CHRNE: variants seen among roughly 807,000 people sequenced by gnomAD.
CHRNE encodes the protein acetylcholine receptor subunit epsilon.
Under a neutral mutation model 56.5 loss-of-function variants are expected in CHRNE, and 58 were observed. That is an observed-to-expected ratio of 1.03 (90% confidence interval 0.83 to 1.28). The LOEUF (loss-of-function observed/expected upper bound fraction) is 1.28, where lower values mean the gene tolerates loss of function less well. CHRNE is among the 50% of genes most tolerant of loss of function. The probability of loss-of-function intolerance (pLI) is 0.00; values close to 1 mark genes in which losing one functional copy is unlikely to be tolerated. For synonymous variants in CHRNE, 385 were observed against 297.9 expected (o/e 1.29, Z -3.01); for missense variants, 793 against 688.9 (o/e 1.15, Z -1.69).
At chr17:4,903,207 C>T, upstream of CHRNE, 3 of 842,574 alleles carry the variant, frequency 3.6e-6, no homozygotes, top group Non-Finnish European at 5.8e-6. Flanking sequence ...CCTGCTGCAG[C>T]TGGGGACATT....
chr17:4,901,380 G>A, intron 6 of CHRNE, 145 bp downstream of exon 6: 2 of 953,938 alleles, frequency 2.1e-6, no homozygotes, highest in South Asian at 1.3e-5. Context: ...AGTAACAATC[G>A]AGAATGATTT....
chr17:4,905,992 G>A (rs1049799076), upstream of CHRNE, among the ~76,000 whole-genome samples: 2 of 152,188 alleles, frequency 1.3e-5, no homozygotes, highest in East Asian at 1.9e-4. Context: ...CGCTCTGTCC[G>A]CTCTCTGCTC....
chr17:4,898,466 TG>T lies in CHRNE; in HGVS notation c.*269del. The T allele has an allele frequency of 1.9e-6, 1 of 534,870 alleles. No homozygotes were observed. The highest frequency in any genetic ancestry group is 3.4e-6 in the Non-Finnish European group (1 of 295,732). 33.1% of individuals were successfully genotyped at this position (534,870 alleles called of 1,614,324 possible). ...CCGTGGGGCTGAGCCTTAGAAAGGC[TG>T]GGAGGTCAGCAAGGCTGAATGAAGG... is the stretch of plus-strand genomic sequence containing the variant. On this transcript the variant is annotated 3_prime_UTR_variant, in exon 12 of 12. Transcript: ENST00000649488.
chr17:4,905,587 C>T (rs917200187), upstream of CHRNE, among the ~76,000 whole-genome samples: 7 of 151,886 alleles, frequency 4.6e-5, no homozygotes, highest in Admixed American at 3.9e-4. Flanking sequence ...CGGCTGGATG[C>T]GGTGGCTCAA....
Position 4,901,624 on chromosome 17 carries a change from A to G in CHRNE, c.502T>C (p.Ser168Pro). ...DWQNCSLIFR[S>P]QTYNAEEVEF... is the part of the protein sequence containing the mutation. ...ACCTCTTCGGCATTGTACGTCTGAG[A>G]GCTGCGGAGCCAGGGCCGGGAGCCC... is the stretch of plus-strand genomic sequence containing the variant. Residue 168 changes from serine to proline, a missense_variant and splice_region_variant, in exon 6 of 12, where the codon TCT (serine) becomes CCT (proline). Transcript: ENST00000649488. 1 of 1,613,876 alleles carries G rather than the reference A, an allele frequency of 6.2e-7. No homozygotes were observed. The highest frequency in any genetic ancestry group is 8.5e-7 in the Non-Finnish European group (1 of 1,179,902).
chr17:4,906,631 T>A (rs1160447416), upstream of CHRNE, among the ~76,000 whole-genome samples: 1 of 152,190 alleles, frequency 6.6e-6, no homozygotes, highest in East Asian at 1.9e-4. Flanking sequence ...GGTAGGAGAA[T>A]TGCTTGAGCC....
upstream of CHRNE, among the ~76,000 whole-genome samples, chr17:4,903,707 G>T (rs1022008920): frequency 6.6e-6 from 1 of 152,080 alleles, no homozygotes; most frequent in South Asian, 2.1e-4. Flanking sequence ...AGCCCCTCTG[G>T]GTGGGAGACT....
At position 4,898,649 on chromosome 17, in the gene CHRNE, G is replaced by C; in HGVS notation, c.*87C>G. ...ACTGCAGATTGATCAGCAGGGGGAA[G>C]GGATCATAATGCCGTGGTGGCGGCA... On this transcript the variant is annotated 3_prime_UTR_variant, in exon 12 of 12. Transcript: ENST00000649488. 4 of 1,495,114 alleles carry C rather than the reference G, an allele frequency of 2.7e-6. No homozygotes were observed. The highest frequency in any genetic ancestry group is 3.6e-6 in the Non-Finnish European group (4 of 1,101,784). The allele number at this position is 1,495,114 out of a possible 1,614,324, so 92.6% of individuals were successfully genotyped here.
intron 7 of CHRNE, 25 bp from the exon 8 acceptor site, chr17:4,900,932 G>A: frequency 6.2e-7 from 1 of 1,614,056 alleles, no homozygotes; most frequent in Non-Finnish European, 8.5e-7. Flanking sequence ...AGTGAGAGCG[G>A]GCCCCGCCTC....
At chr17:4,908,555 G>A (rs920148298) in intron 1 of CHRNE, among the ~76,000 whole-genome samples, 8 of 152,166 alleles carry the variant, frequency 5.3e-5, no homozygotes, top group African/African-American at 9.7e-5. Flanking sequence ...GGACTGCCTC[G>A]GGGGCTGAGA....
At position 4,899,047 on chromosome 17, in the gene CHRNE, A is replaced by T; in HGVS notation, c.1280T>A (p.Val427Glu). ...TCTCGTGCTCTCGGCCACGAAGTTC[A>T]CGGCATCCACACAGCAGCGGACCTC... ...APEVRCCVDA[V>E]NFVAESTRDQ... Residue 427 changes from valine to glutamate, a missense_variant, in exon 11 of 12, where the codon GTG (valine) becomes GAG (glutamate). Coordinates refer to ENST00000649488, the MANE Select transcript of CHRNE (RefSeq NM_000080.4). 1 of 1,611,658 alleles carries T rather than the reference A, an allele frequency of 6.2e-7. No individual in the cohort carries two copies. The highest frequency in any genetic ancestry group is 1.3e-5 in the African/African-American group (1 of 75,026).
At chr17:4,899,893 G>T (rs1223592639) in intron 8 of CHRNE, 1 of 1,549,230 alleles carries the variant, frequency 6.5e-7, no homozygotes, top group African/African-American at 1.4e-5. Context: ...GTTCGCCCCT[G>T]TGACCCCTGC....
upstream of CHRNE, among the ~76,000 whole-genome samples, chr17:4,908,011 C>T (rs1322657294): frequency 1.3e-5 from 2 of 151,994 alleles, no homozygotes; most frequent in Admixed American, 6.6e-5. Flanking sequence ...CCCGTCTCTA[C>T]TAAAGATACA....
rs1278514080 is a variant in CHRNE at position 4,902,266 on chromosome 17, G to T, written c.295C>A (p.Arg99=). Residue 99 remains arginine, a synonymous_variant, in exon 4 of 12, where the codon CGA becomes AGA. Transcript: ENST00000649488. The surrounding 1 kb of genome is among the most constrained non-coding windows in gnomAD (Gnocchi z 4.0). ...KDDFGGIETL[R]VPSELVWLPE... ...AGCCACACGAGTTCTGAAGGGACTC[G>T]CAGGGTTTCTATACCCCCAAAGTCG... 5 of 1,614,018 alleles carry T rather than the reference G, an allele frequency of 3.1e-6. No individual in the cohort carries two copies. In the African/African-American group the frequency reaches 4.0e-5, roughly 13 times the overall value.
intron 5 of CHRNE, 22 bp downstream of exon 5, chr17:4,901,910 G>A: frequency 6.2e-7 from 1 of 1,611,370 alleles, no homozygotes; most frequent in Non-Finnish European, 8.5e-7. Flanking sequence ...AATCGTCCGG[G>A]CCTCGGAGTA....
chr17:4,898,705 G>C lies in CHRNE; in HGVS notation c.*31C>G, dbSNP rs1175553673. 1 of 1,601,364 alleles carries C rather than the reference G, an allele frequency of 6.2e-7. No homozygotes were observed. Among genetic ancestry groups the C allele is most frequent in the Non-Finnish European group, 8.5e-7 (1 of 1,174,852 alleles). On this transcript the variant is annotated 3_prime_UTR_variant, in exon 12 of 12. Transcript: ENST00000649488. ...CTTTTTCAAAATCAATTTCCTACTG[G>C]AGATGGGTGGGAAATTGAAGTCGGT...
At chr17:4,901,292 G>C in intron 6 of CHRNE, 102 bp from the exon 7 acceptor site, 1 of 1,354,730 alleles carries the variant, frequency 7.4e-7, no homozygotes, top group East Asian at 2.3e-5. Flanking sequence ...CAGGGTCATG[G>C]GCCGTCAGGA....
Position 4,898,613 on chromosome 17 carries a change from G to T in CHRNE, c.*123C>A. ...GGGAACGGGCACACACCATTCTTGT[G>T]AAGTTCACAAACTGCAGATTGATCA... On this transcript the variant is annotated 3_prime_UTR_variant, in exon 12 of 12. Transcript: ENST00000649488. 1 of 1,336,910 alleles carries T rather than the reference G, an allele frequency of 7.5e-7. No individual in the cohort carries two copies. The highest frequency in any genetic ancestry group is 1.0e-6 in the Non-Finnish European group (1 of 967,978). 82.8% of individuals were successfully genotyped at this position (1,336,910 alleles called of 1,614,324 possible). A position where few individuals can be genotyped will look rare whatever the true frequency, so the allele number is the denominator to read the frequency against.
Position 4,901,557 on chromosome 17 carries a change from T to C in CHRNE, c.569A>G (p.Asn190Ser), listed in dbSNP as rs753756406. The change falls in exon 6 of 12, where the codon AAC becomes AGC. Residue 190 changes from asparagine to serine, a missense_variant. Transcript: ENST00000649488. Reference protein sequence around the residue: ...FAVDNDGKTINKIDIDTEAYT... With the variant: ...FAVDNDGKTISKIDIDTEAYT... Reference sequence around the variant, plus strand: ...GGCCTCTGTGTCGATGTCGATCTTGTTGATGGTCTTGCCGTCGTTGTCTAC... The same window carrying C: ...GGCCTCTGTGTCGATGTCGATCTTGCTGATGGTCTTGCCGTCGTTGTCTAC... 21 of 1,614,208 alleles carry C rather than the reference T, an allele frequency of 1.3e-5. No homozygotes were observed. Among genetic ancestry groups the C allele is most frequent in the Admixed American group, 5.0e-5 (3 of 60,028 alleles).
Sources: gnomAD v4.1 joint callset for allele counts (sites outside exome capture counted in the v4.1 genomes callset) on GRCh38, gnomAD v4.1.1 for gene constraint, Gnocchi (gnomAD v3.1) non-coding constraint, MANE v1.5 for transcripts, NCBI Gene and HGNC (gene_info 2026-07-23, HGNC 2026-07-21) for gene names.